The following B4GALT2 variants were observed in gnomAD, a reference collection of about 807,000 sequenced individuals.
The protein encoded by B4GALT2 is beta-1,4-galactosyltransferase 2, also known as N-acetyllactosamine synthase.
In B4GALT2, 18 loss-of-function variants were observed where a neutral mutation model predicts 33.2. The ratio of observed to expected loss-of-function variants is 0.54; its 90% confidence interval spans 0.38 to 0.80. The LOEUF (loss-of-function observed/expected upper bound fraction) is 0.80, where lower values mean the gene tolerates loss of function less well. Ranked by LOEUF, B4GALT2 falls within the 30% of genes least tolerant of loss-of-function variation. The pLI is 0.00. For missense variants in B4GALT2, 404 were observed against 526.2 expected, an observed-to-expected ratio of 0.77 and a Z score of 2.27; for synonymous variants, 214 against 217.6, an observed-to-expected ratio of 0.98 and a Z score of 0.15.
At position 43,990,640 on chromosome 1, in the gene B4GALT2, C is replaced by A; in HGVS notation, c.*192C>A. On this transcript the variant is annotated 3_prime_UTR_variant, in exon 7 of 7. Transcript: ENST00000372324. ...TTGGGGGGCCTCCTGCCTGGGCAGGCTCTTCAAGTGTGGCCCTCTTTGGAG... is the reference window on the plus strand; with the variant it reads ...TTGGGGGGCCTCCTGCCTGGGCAGGATCTTCAAGTGTGGCCCTCTTTGGAG... 1 of 747,766 alleles carries A rather than the reference C, an allele frequency of 1.3e-6. No homozygotes were observed. The highest frequency in any genetic ancestry group is 2.1e-6 in the Non-Finnish European group (1 of 472,414). The allele number at this position is 747,766 out of a possible 1,614,324, so 46.3% of individuals were successfully genotyped here. A position where few individuals can be genotyped will look rare whatever the true frequency, so the allele number is the denominator to read the frequency against.
At chr1:43,985,963 G>A in intron 6 of B4GALT2, 2 of 340,608 alleles carry the variant, frequency 5.9e-6, no homozygotes, top group Non-Finnish European at 1.1e-5. Context: ...CCTCACTTGT[G>A]CACCTGTGGG....
rs757139816 is a variant in B4GALT2 at position 43,981,786 on chromosome 1, C to T, written c.411C>T (p.Pro137=). ...GVLMGGRYTP[P]DCTPAQTVAV... ...TCATGGGCGGCCGATACACACCGCC[C>T]GACTGCACCCCAGCCCAGACGGTGG... The change falls in exon 3 of 7, where the codon CCC becomes CCT. Residue 137 remains proline, a synonymous_variant. Transcript: ENST00000372324. This position sits in a 1 kb window ranked among gnomAD's most constrained non-coding sequence, Gnocchi z 8.1. The T allele has an allele frequency of 2.5e-5, 41 of 1,613,624 alleles. No homozygotes were observed. Among genetic ancestry groups the T allele is most frequent in the East Asian group, 4.5e-5 (2 of 44,896 alleles).
chr1:43,985,836 C>G lies in B4GALT2; in HGVS notation c.968+215C>G. ...CTGATCGTTGTCCCCCAACCCCCAG[C>G]CCAGCCTCAGCCCAATATCTCTGAC... On this transcript the variant is annotated intron_variant, in intron 6 of 6. Coordinates refer to ENST00000372324, the MANE Select transcript of B4GALT2 (RefSeq NM_003780.5). 3.2e-5 allele frequency: 19 copies of G among 598,668 alleles called. No individual in the cohort carries two copies. The South Asian group carries it at 3.5e-4, about 11-fold the overall frequency. 37.1% of individuals were successfully genotyped at this position (598,668 alleles called of 1,614,324 possible). A position where few individuals can be genotyped will look rare whatever the true frequency, so the allele number is the denominator to read the frequency against.
chr1:43,985,442 GA>G (rs371619921), intron 5 of B4GALT2, 42 bp downstream of exon 5: 88,681 of 402,260 alleles, frequency 0.22, 4,896 homozygotes, highest in Middle Eastern at 0.28. Context: ...GTGGGGGGGG[GA>G]GGGGGGGTGC....
Position 43,984,842 on chromosome 1 carries a change from G to C in B4GALT2, c.550-23G>C, listed in dbSNP as rs2154303296. The C allele has an allele frequency of 6.2e-7, 1 of 1,609,130 alleles. No individual in the cohort carries two copies. Among genetic ancestry groups the C allele is most frequent in the East Asian group, 2.2e-5 (1 of 44,778 alleles). ...GCTTGTTGGTCACAGGCCCAGGGTT[G>C]ACCTGCTCCTCCCCCTACCCAGCAT... is the stretch of plus-strand genomic sequence containing the variant. On this transcript the variant is annotated intron_variant, in intron 3 of 6. Coordinates refer to ENST00000372324, the MANE Select transcript of B4GALT2 (RefSeq NM_003780.5). This position sits in a 1 kb window ranked among gnomAD's most constrained non-coding sequence, Gnocchi z 5.6.
rs187338445 is a variant in B4GALT2, at chr1:43,982,483, C to G, written c.549+559C>G. On this transcript the variant is annotated intron_variant, in intron 3 of 6. Coordinates refer to ENST00000372324, the MANE Select transcript of B4GALT2 (RefSeq NM_003780.5). This position sits in a 1 kb window ranked among gnomAD's most constrained non-coding sequence, Gnocchi z 4.3. ...GAGGTGGAGCAGGGGGCCGTGGGAG[C>G]ACAGAGGGCCCCAGTCCAGCCCTGG... Among the ~76,000 whole-genome samples, 20 of 152,064 alleles carry G rather than the reference C, an allele frequency of 1.3e-4. No individual in the cohort carries two copies. Among genetic ancestry groups the G allele is most frequent in the African/African-American group, 4.8e-4 (20 of 41,476 alleles).
At position 43,981,220 on chromosome 1, in the gene B4GALT2, C is replaced by T; in HGVS notation, c.60C>T (p.Cys20=). 6.2e-7 allele frequency: 1 copy of T among 1,604,710 alleles called. No homozygotes were observed. ...ERVCKAVLLL[C]LLHFLVAVIL... Reference sequence around the variant, plus strand: ...TCTGCAAGGCTGTGCTCCTTCTCTGCCTGCTGCACTTCCTCGTGGCCGTCA... The same window carrying T: ...TCTGCAAGGCTGTGCTCCTTCTCTGTCTGCTGCACTTCCTCGTGGCCGTCA... The change falls in exon 2 of 7, where the codon TGC becomes TGT. Residue 20 remains cysteine, a synonymous_variant. Transcript: ENST00000372324. This position sits in a 1 kb window ranked among gnomAD's most constrained non-coding sequence, Gnocchi z 8.1.
At chr1:43,983,520 C>T (rs990152232) in intron 3 of B4GALT2, among the ~76,000 whole-genome samples, 3 of 152,064 alleles carry the variant, frequency 2.0e-5, no homozygotes, top group African/African-American at 4.8e-5. Context: ...GTGGGCCCAG[C>T]GAGAGCCATT....
chr1:43,985,691 G>C, intron 6 of B4GALT2, 70 bp downstream of exon 6: 1 of 1,486,174 alleles, frequency 6.7e-7, no homozygotes, highest in Non-Finnish European at 9.4e-7. Flanking sequence ...TTGACCCCAA[G>C]TGGCCCAATC....
chr1:43,979,901 A>G lies in B4GALT2; in HGVS notation c.-53+390A>G. 3 of 1,298,322 alleles carry G rather than the reference A, an allele frequency of 2.3e-6. No homozygotes were observed. Among genetic ancestry groups the G allele is most frequent in the Non-Finnish European group, 3.1e-6 (3 of 953,000 alleles). 80.4% of individuals were successfully genotyped at this position (1,298,322 alleles called of 1,614,324 possible). On this transcript the variant is annotated intron_variant, in intron 1 of 6. Coordinates refer to ENST00000372324, the MANE Select transcript of B4GALT2 (RefSeq NM_003780.5). This position sits in a 1 kb window ranked among gnomAD's most constrained non-coding sequence, Gnocchi z 4.8. ...CGTGTTCAGCCTGCCAGCCCCGCCC[A>G]AACGCACCCCTCAGCCTGGCCGCCA...
At position 43,982,396 on chromosome 1, in the gene B4GALT2, G is replaced by A. The variant is rs576811914; in HGVS notation, c.549+472G>A. ...CTCTGATGCAGGCCCCCCCGCCCCCGCCGACCACAGAGACCTCCTAGACTT... is the reference window on the plus strand; with the variant it reads ...CTCTGATGCAGGCCCCCCCGCCCCCACCGACCACAGAGACCTCCTAGACTT... On this transcript the variant is annotated intron_variant, in intron 3 of 6. Coordinates refer to ENST00000372324, the MANE Select transcript of B4GALT2 (RefSeq NM_003780.5). The surrounding 1 kb of genome is among the most constrained non-coding windows in gnomAD (Gnocchi z 4.3). 1.1e-3 allele frequency among the ~76,000 whole-genome samples: 164 copies of A among 152,158 alleles called. 2 individuals are homozygous for A. Among genetic ancestry groups the A allele is most frequent in the African/African-American group, 3.7e-3 (153 of 41,496 alleles).
chr1:43,990,595 T>G lies in B4GALT2; in HGVS notation c.*147T>G. The G allele has an allele frequency of 8.3e-7, 1 of 1,204,602 alleles. No individual in the cohort carries two copies. Among genetic ancestry groups the G allele is most frequent in the Non-Finnish European group, 1.1e-6 (1 of 872,982 alleles). The allele number at this position is 1,204,602 out of a possible 1,614,324, so 74.6% of individuals were successfully genotyped here. A position where few individuals can be genotyped will look rare whatever the true frequency, so the allele number is the denominator to read the frequency against. On this transcript the variant is annotated 3_prime_UTR_variant, in exon 7 of 7. Coordinates refer to ENST00000372324, the MANE Select transcript of B4GALT2 (RefSeq NM_003780.5). ...CTTCACTAGGCCCCCTAGCTACACC[T>G]GGAAGTTTCAGAACCCACTTTGGGG... is the stretch of plus-strand genomic sequence containing the variant.
Position 43,979,765 on chromosome 1 carries a change from C to T in B4GALT2, c.-53+254C>T. On this transcript the variant is annotated intron_variant, in intron 1 of 6. Transcript: ENST00000372324. The surrounding 1 kb of genome is among the most constrained non-coding windows in gnomAD (Gnocchi z 4.8). ...GGCCTCGTGGCGCGGGGAGGCGTTC[C>T]ATACACGTTTCCCCTTGGCCTTTGC... 8.8e-6 allele frequency: 4 copies of T among 453,960 alleles called. No homozygotes were observed. Among genetic ancestry groups the T allele is most frequent in the Non-Finnish European group, 1.6e-5 (4 of 252,780 alleles). The allele number at this position is 453,960 out of a possible 1,614,324, so 28.1% of individuals were successfully genotyped here. A position where few individuals can be genotyped will look rare whatever the true frequency, so the allele number is the denominator to read the frequency against.
chr1:43,980,780 G>A (rs1035256187), intron 1 of B4GALT2, among the ~76,000 whole-genome samples: 4 of 152,166 alleles, frequency 2.6e-5, no homozygotes, highest in Admixed American at 6.5e-5. Flanking sequence ...TAGAGTTCAC[G>A]TGTCTGTGTT....
At chr1:43,985,743 A>G (rs1041921005) in intron 6 of B4GALT2, 122 bp downstream of exon 6, 14 of 890,910 alleles carry the variant, frequency 1.6e-5, no homozygotes, top group Admixed American at 1.0e-4. Context: ...CCTTGACTCC[A>G]AAAAGGTGAC....
intron 1 of B4GALT2, chr1:43,980,046 TGTGA>T: frequency 6.6e-7 from 1 of 1,514,416 alleles, no homozygotes; most frequent in Non-Finnish European, 8.8e-7. Context: ...TGGCCTTGTT[TGTGA>T]GTGTGGGACT....
Position 43,981,817 on chromosome 1 carries a change from A to G in B4GALT2, c.442A>G (p.Ile148Val), listed in dbSNP as rs1012224874. 6.2e-7 allele frequency: 1 copy of G among 1,613,882 alleles called. No individual in the cohort carries two copies. The highest frequency in any genetic ancestry group is 1.7e-5 in the Admixed American group (1 of 60,024). Residue 148 changes from isoleucine to valine, a missense_variant, in exon 3 of 7, where the codon ATC (isoleucine) becomes GTC (valine). Coordinates refer to ENST00000372324, the MANE Select transcript of B4GALT2 (RefSeq NM_003780.5). This position sits in a 1 kb window ranked among gnomAD's most constrained non-coding sequence, Gnocchi z 8.1. ...CACCCCAGCCCAGACGGTGGCGGTC[A>G]TCATCCCCTTTAGACACCGGGAACA... is the stretch of plus-strand genomic sequence containing the variant. Reference protein sequence around the residue: ...DCTPAQTVAVIIPFRHREHHL... With the variant: ...DCTPAQTVAVVIPFRHREHHL...
intron 3 of B4GALT2, among the ~76,000 whole-genome samples, chr1:43,983,388 G>A (rs1164256177): frequency 6.6e-6 from 1 of 152,224 alleles, no homozygotes; most frequent in Non-Finnish European, 1.5e-5. Flanking sequence ...AGACCCAGGG[G>A]AGTGTGGGAT....
Position 43,984,888 on chromosome 1 carries a change from G to A in B4GALT2, c.573G>A (p.Arg191=). Residue 191 remains arginine (R), a synonymous_variant, in exon 4 of 7, where the codon CGG becomes CGA. Transcript: ENST00000372324. This position sits in a 1 kb window ranked among gnomAD's most constrained non-coding sequence, Gnocchi z 5.6. ...INQHGEDTFN[R]AKLLNVGFLE... ...AGCATGGTGAGGACACCTTCAACCG[G>A]GCCAAGCTGCTTAACGTGGGCTTCC... is the stretch of plus-strand genomic sequence containing the variant. 6.2e-7 allele frequency: 1 copy of A among 1,613,946 alleles called. No homozygotes were observed. Among genetic ancestry groups the A allele is most frequent in the Non-Finnish European group, 8.5e-7 (1 of 1,179,974 alleles).
Sources: gnomAD v4.1 joint callset for allele counts (sites outside exome capture counted in the v4.1 genomes callset) on GRCh38, gnomAD v4.1.1 for gene constraint, Gnocchi (gnomAD v3.1) non-coding constraint, MANE v1.5 for transcripts, NCBI Gene and HGNC (gene_info 2026-07-23, HGNC 2026-07-21) for gene names.